The following EML1 variants were observed in gnomAD, a reference collection of about 807,000 sequenced individuals.
The protein encoded by EML1 is echinoderm microtubule-associated protein-like 1.
Under a neutral mutation model 110.4 loss-of-function variants are expected in EML1, and 27 were observed. The ratio of observed to expected loss-of-function variants is 0.24; its 90% CI spans 0.18 to 0.34. The LOEUF (loss-of-function observed/expected upper bound fraction) is 0.34, where lower values mean the gene tolerates loss of function less well. Ranked by LOEUF, EML1 falls within the 10% of genes least tolerant of loss-of-function variation. EML1 has a pLI of 1.00. For missense variants in EML1, 741 were observed against 1,030.9 expected, an observed-to-expected ratio of 0.72 and a Z score of 3.85; for synonymous variants, 344 against 385.8, an observed-to-expected ratio of 0.89 and a Z score of 1.27.
chr14:99,791,232 AG>A (rs1285557546), upstream of EML1, among the ~76,000 whole-genome samples: 10 of 152,122 alleles, frequency 6.6e-5, no homozygotes, highest in Non-Finnish European at 1.2e-4. Flanking sequence ...TTGCATCACC[AG>A]GGTGCTCCAG....
Position 99,905,382 on chromosome 14 carries a change from G to A in EML1, c.1009-2256G>A, listed in dbSNP as rs2059828058. Among the ~76,000 whole-genome samples, 1 of 152,142 alleles carries A rather than the reference G, an allele frequency of 6.6e-6. No homozygotes were observed. The highest frequency in any genetic ancestry group is 2.4e-5 in the African/African-American group (1 of 41,412). On this transcript the variant is annotated intron_variant, in intron 9 of 21. Transcript: ENST00000262233. The surrounding 1 kb of genome is among the most constrained non-coding windows in gnomAD (Gnocchi z 4.1). ...CAACTTACGGTCTCTGGGCAAGATGGTGGCCCTGAGTAATAGAAAACATAA... is the reference window on the plus strand; with the variant it reads ...CAACTTACGGTCTCTGGGCAAGATGATGGCCCTGAGTAATAGAAAACATAA...
chr14:99,809,476 C>G (rs2058037856), intron 1 of EML1: 1 of 354,424 alleles, frequency 2.8e-6, no homozygotes, highest in South Asian at 2.1e-5. Context: ...AGGGATGAGA[C>G]AGCATGCCCA....
At chr14:99,892,457 T>A (rs920207237) in intron 5 of EML1, among the ~76,000 whole-genome samples, 2 of 152,190 alleles carry the variant, frequency 1.3e-5, no homozygotes, top group Admixed American at 1.3e-4. Context: ...TTAAGAGAGC[T>A]ATAGGGCCAC....
chr14:99,935,781 CAA>C (rs1160100015), intron 17 of EML1, among the ~76,000 whole-genome samples: 62 of 83,706 alleles, frequency 7.4e-4, no homozygotes, highest in African/African-American at 2.4e-3. Flanking sequence ...GACTCCGTCT[CAA>C]AAAAAAAAAA....
chr14:99,801,032 A>G (rs1196753514), intron 1 of EML1, among the ~76,000 whole-genome samples: 1 of 152,194 alleles, frequency 6.6e-6, no homozygotes, highest in Non-Finnish European at 1.5e-5. Context: ...CAGCGGCCAG[A>G]TCCATGCATT....
At chr14:99,774,719 G>A (rs559804443) in intron 1 of EML1, among the ~76,000 whole-genome samples, 4 of 152,326 alleles carry the variant, frequency 2.6e-5, no homozygotes, top group African/African-American at 7.2e-5. Flanking sequence ...TGCTTGTAGT[G>A]CCCTGCAGTT....
chr14:99,879,993 T>A (rs914356707), intron 4 of EML1, among the ~76,000 whole-genome samples: 5 of 152,192 alleles, frequency 3.3e-5, no homozygotes, highest in African/African-American at 1.2e-4. Flanking sequence ...CCTATGGCTT[T>A]GGTAAATGTG....
At chr14:99,850,358 G>A (rs2058775367) in intron 1 of EML1, 1 of 1,289,026 alleles carries the variant, frequency 7.8e-7, no homozygotes, top group Non-Finnish European at 1.0e-6. Context: ...TACCATAATT[G>A]TAAGGGTAGC....
chr14:99,751,691 C>T (rs2057177347), intron 1 of EML1, among the ~76,000 whole-genome samples: 1 of 152,010 alleles, frequency 6.6e-6, no homozygotes, highest in African/African-American at 2.4e-5. Context: ...AAAGGGTGTT[C>T]CTGGCAGAAG....
At chr14:99,879,513 A>T (rs1399942888) in intron 4 of EML1, among the ~76,000 whole-genome samples, 1 of 152,156 alleles carries the variant, frequency 6.6e-6, no homozygotes, top group Non-Finnish European at 1.5e-5. Context: ...AGGCTATAAA[A>T]CTTCCAAGTT....
At chr14:99,793,395 C>A, upstream of EML1, 4 of 1,000,924 alleles carry the variant, frequency 4.0e-6, no homozygotes, top group Non-Finnish European at 4.8e-6. Context: ...CAGCGCCGGT[C>A]GCGGTCGGGC....
chr14:99,848,463 A>G (rs949873241), intron 1 of EML1, among the ~76,000 whole-genome samples: 8 of 152,164 alleles, frequency 5.3e-5, no homozygotes, highest in Non-Finnish European at 1.0e-4. Context: ...ATTTTAAAAC[A>G]TGTTGTATAC....
chr14:99,834,750 T>C (rs1016774407), intron 1 of EML1, among the ~76,000 whole-genome samples: 1 of 152,232 alleles, frequency 6.6e-6, no homozygotes, highest in African/African-American at 2.4e-5. Flanking sequence ...GAATTAACAT[T>C]ATTTTTTCCT....
chr14:99,753,628 TGTCTGC>T (rs1376168274), intron 1 of EML1, among the ~76,000 whole-genome samples: 1 of 152,100 alleles, frequency 6.6e-6, no homozygotes, highest in African/African-American at 2.4e-5. Context: ...GTGAGGTCCG[TGTCTGC>T]GTCTGCCTGA....
chr14:99,885,235 T>C (rs181009009), intron 4 of EML1, among the ~76,000 whole-genome samples: 1 of 152,358 alleles, frequency 6.6e-6, no homozygotes, highest in East Asian at 1.9e-4. Context: ...GTTAGGTGTT[T>C]TCTCATTGTG....
intron 1 of EML1, among the ~76,000 whole-genome samples, chr14:99,808,591 T>C (rs781094831): frequency 2.6e-5 from 4 of 152,216 alleles, no homozygotes; most frequent in Non-Finnish European, 5.9e-5. Context: ...ATTTTTCTAT[T>C]TTTGTTCAAA....
At chr14:99,853,092 C>T (rs2058839632) in intron 2 of EML1, among the ~76,000 whole-genome samples, 1 of 152,090 alleles carries the variant, frequency 6.6e-6, no homozygotes, top group Non-Finnish European at 1.5e-5. Flanking sequence ...ACAGGGTGTG[C>T]CCAAGAGTTT....
chr14:99,778,798 T>C (rs560366666), intron 1 of EML1, among the ~76,000 whole-genome samples: 8 of 152,226 alleles, frequency 5.3e-5, no homozygotes, highest in Non-Finnish European at 1.2e-4. Flanking sequence ...ATTCTTTGCA[T>C]TTATCTGTTG....
At chr14:99,831,084 A>G (rs959699648) in intron 1 of EML1, among the ~76,000 whole-genome samples, 5 of 152,138 alleles carry the variant, frequency 3.3e-5, no homozygotes, top group African/African-American at 1.2e-4. Flanking sequence ...TCAACAACTC[A>G]AATGTATTTT....
Sources: gnomAD v4.1 joint callset for allele counts (sites outside exome capture counted in the v4.1 genomes callset) on GRCh38, gnomAD v4.1.1 for gene constraint, Gnocchi (gnomAD v3.1) non-coding constraint, MANE v1.5 for transcripts, NCBI Gene and HGNC (gene_info 2026-07-23, HGNC 2026-07-21) for gene names.